The following PLCZ1 variants were observed in gnomAD, a reference collection of about 807,000 sequenced individuals.
PLCZ1 encodes phospholipase C zeta 1.
Under a neutral mutation model 76.8 loss-of-function variants are expected in PLCZ1, and 64 were observed. The observed-to-expected ratio is 0.83, with a 90% CI of 0.68 to 1.03. The LOEUF (loss-of-function observed/expected upper bound fraction) is 1.03, where lower values mean the gene tolerates loss of function less well. Ranked by LOEUF, PLCZ1 falls within the 50% of genes least tolerant of loss-of-function variation. The probability of loss-of-function intolerance (pLI) is 0.00; values close to 1 mark genes in which losing one functional copy is unlikely to be tolerated. For missense variants in PLCZ1, 751 were observed against 713.7 expected, an observed-to-expected ratio of 1.05 and a Z score of -0.60; for synonymous variants, 248 against 230.8, an observed-to-expected ratio of 1.07 and a Z score of -0.68.
chr12:18,720,850 C>CT (rs1958398323), intron 4 of PLCZ1, among the ~76,000 whole-genome samples: 1 of 151,862 alleles, frequency 6.6e-6, no homozygotes, highest in Non-Finnish European at 1.5e-5. Flanking sequence ...TGATACAATA[C>CT]TAAGCAGCCA....
chr12:18,731,181 A>G (rs756799010), intron 3 of PLCZ1: 11 of 151,976 alleles, frequency 7.2e-5, no homozygotes, highest in South Asian at 2.1e-4. Flanking sequence ...TCGTGTTTCT[A>G]TGTGTTTTCT....
intron 3 of PLCZ1, among the ~76,000 whole-genome samples, chr12:18,727,395 A>T (rs1364070473): frequency 6.6e-6 from 1 of 152,118 alleles, no homozygotes; most frequent in Non-Finnish European, 1.5e-5. Flanking sequence ...TAGATAATAG[A>T]CACAATAAGG....
At chr12:18,656,521 C>T in the PLCZ1 span, among the ~76,000 whole-genome samples, 193 of 152,266 alleles carry the variant, frequency 1.3e-3, no homozygotes, top group Non-Finnish European at 2.0e-3. Context: ...GACAAGATCA[C>T]ACCACTGGAC....
the PLCZ1 span, among the ~76,000 whole-genome samples, chr12:18,669,309 G>C: frequency 1.3e-5 from 2 of 152,124 alleles, no homozygotes; most frequent in South Asian, 2.1e-4. Context: ...TCCATTATAT[G>C]TGTGGTCTCT....
chr12:18,697,038 C>A (rs1023536093), intron 10 of PLCZ1, among the ~76,000 whole-genome samples: 1 of 152,100 alleles, frequency 6.6e-6, no homozygotes, highest in African/African-American at 2.4e-5. Flanking sequence ...TTCAAACTAA[C>A]TTAAACCCTT....
Position 18,692,735 on chromosome 12 carries a change from G to A in PLCZ1, c.1461+2175C>T. 3 of 937,934 alleles carry A rather than the reference G, an allele frequency of 3.2e-6. No homozygotes were observed. The South Asian group carries it at 4.2e-5, about 13-fold the overall frequency. 58.1% of individuals were successfully genotyped at this position (937,934 alleles called of 1,614,324 possible). The stretch of plus-strand genomic sequence containing the variant: ...TGAATCATCAACATAAAGAAAAAAT[G>A]TTAAAAGCTCTCCCAGGCCAAGGCA... On this transcript the variant is annotated intron_variant, in intron 12 of 14. Coordinates refer to ENST00000266505, the MANE Select transcript of PLCZ1 (RefSeq NM_033123.4).
At chr12:18,677,199 C>G in the PLCZ1 span, among the ~76,000 whole-genome samples, 1 of 152,056 alleles carries the variant, frequency 6.6e-6, no homozygotes, top group Admixed American at 6.6e-5. Flanking sequence ...GGCTGCTTGC[C>G]ACAATATGAT....
intron 3 of PLCZ1, chr12:18,731,146 T>C (rs932104849): frequency 1.3e-5 from 2 of 152,138 alleles, no homozygotes; most frequent in African/African-American, 4.8e-5. Context: ...AAGTGGTTGT[T>C]GGAAGACAAT....
At chr12:18,693,421 G>T in intron 12 of PLCZ1, 1 of 1,604,310 alleles carries the variant, frequency 6.2e-7, no homozygotes, top group Admixed American at 1.7e-5. Flanking sequence ...GAAGAGATGG[G>T]TATAAAGCCT....
At chr12:18,677,849 T>C in the PLCZ1 span, among the ~76,000 whole-genome samples, 1 of 152,088 alleles carries the variant, frequency 6.6e-6, no homozygotes, top group Non-Finnish European at 1.5e-5. Context: ...GGTTTTAAAA[T>C]TGTACTTTAA....
At chr12:18,659,897 G>T in the PLCZ1 span, among the ~76,000 whole-genome samples, 2 of 152,058 alleles carry the variant, frequency 1.3e-5, no homozygotes, top group Non-Finnish European at 2.9e-5. Flanking sequence ...AAATGCTAAA[G>T]GGAGTCCTTT....
Position 18,723,541 on chromosome 12 carries a change from T to C in PLCZ1, c.137A>G (p.Asp46Gly). 1 of 1,610,892 alleles carries C rather than the reference T, an allele frequency of 6.2e-7. No homozygotes were observed. Among genetic ancestry groups the C allele is most frequent in the Non-Finnish European group, 8.5e-7 (1 of 1,178,466 alleles). The change falls in exon 4 of 15, where the codon GAC becomes GGC. Residue 46 changes from aspartate to glycine, a missense_variant and splice_region_variant. Asp to Gly is a moderately conservative substitution (Grantham distance 94, BLOSUM62 -1). Coordinates refer to ENST00000266505, the MANE Select transcript of PLCZ1 (RefSeq NM_033123.4). The stretch of plus-strand genomic sequence containing the variant: ...TCTTCCTTGTTTCAGCCTGTCATTG[T>C]CCTACTAAAAAAATGACTGGTGGGC... ...SYIHVKQIFK[D>G]NDRLKQGRIT...
chr12:18,700,831 A>G (rs905698592), intron 9 of PLCZ1, among the ~76,000 whole-genome samples: 1 of 152,092 alleles, frequency 6.6e-6, no homozygotes, highest in Admixed American at 6.6e-5. Flanking sequence ...CATCATGCTA[A>G]TGTATATACA....
intron 12 of PLCZ1, chr12:18,693,459 C>T: frequency 6.2e-7 from 1 of 1,606,142 alleles, no homozygotes; most frequent in South Asian, 1.1e-5. Context: ...TGTGGTCCAC[C>T]TGGCACAGGT....
At chr12:18,687,445 CCAGGA>C in intron 13 of PLCZ1, among the ~76,000 whole-genome samples, 1 of 152,092 alleles carries the variant, frequency 6.6e-6, no homozygotes, top group African/African-American at 2.4e-5. Flanking sequence ...GGGATCAATC[CCAGGA>C]ACCTATCCTT....
rs1190136164 is a variant in PLCZ1 at position 18,695,055 on chromosome 12, C to T, written c.1316G>A (p.Gly439Asp). 1.2e-6 allele frequency: 2 copies of T among 1,612,990 alleles called. No homozygotes were observed. The highest frequency in any genetic ancestry group is 1.7e-6 in the Non-Finnish European group (2 of 1,179,310). The change falls in exon 12 of 15, where the codon GGT (glycine) becomes GAT (aspartate). Residue 439 changes from glycine (G) to aspartate (D), a missense_variant. Gly to Asp is a moderately conservative substitution (Grantham distance 94, BLOSUM62 -1). Coordinates refer to ENST00000266505, the MANE Select transcript of PLCZ1 (RefSeq NM_033123.4). Reference protein sequence around the residue: ...QMVALNFQTPGLPMDLQNGKF... With the variant: ...QMVALNFQTPDLPMDLQNGKF... ...CCCATTTTGCAGATCCATGGGCAGA[C>T]CAGGGGTCTGGAAATTTAAAGCCAC... is the stretch of plus-strand genomic sequence containing the variant.
chr12:18,732,044 AT>A (rs2150757215), intron 3 of PLCZ1, among the ~76,000 whole-genome samples: 1 of 152,334 alleles, frequency 6.6e-6, no homozygotes, highest in South Asian at 2.1e-4. Flanking sequence ...AGCTACACAT[AT>A]TTAATGTATA....
intron 7 of PLCZ1, among the ~76,000 whole-genome samples, chr12:18,704,564 G>C (rs1477828626): frequency 6.6e-6 from 1 of 151,948 alleles, no homozygotes; most frequent in African/African-American, 2.4e-5. Context: ...TAACCTCAGG[G>C]GATCCGCCCT....
chr12:18,684,571 T>A (rs1952810292), intron 13 of PLCZ1, among the ~76,000 whole-genome samples: 1 of 152,024 alleles, frequency 6.6e-6, no homozygotes, highest in Non-Finnish European at 1.5e-5. Flanking sequence ...CATAATTTCC[T>A]AAGGTTTCAC....
Sources: allele counts gnomAD v4.1 joint callset (sites outside exome capture counted in the v4.1 genomes callset), GRCh38; gene constraint gnomAD v4.1.1; transcripts MANE v1.5; gene names NCBI Gene and HGNC (gene_info 2026-07-23, HGNC 2026-07-21).